CACNA2D3: variants seen among roughly 807,000 people sequenced by gnomAD.
CACNA2D3 encodes voltage-dependent calcium channel subunit alpha-2/delta-3.
A neutral mutation model predicts 160.6 loss-of-function variants in CACNA2D3; 60 were observed. That is an observed-to-expected ratio of 0.37 (90% CI 0.30 to 0.46). The LOEUF is 0.46. Ranked by LOEUF, CACNA2D3 falls within the 20% of genes least tolerant of loss-of-function variation. The pLI, the probability that CACNA2D3 is intolerant of heterozygous loss-of-function variation, is 1.00. For synonymous variants in CACNA2D3, 558 were observed against 492.9 expected (o/e 1.13, Z -1.75); for missense variants, 1,205 against 1,365.0 (o/e 0.88, Z 1.85).
intron 3 of CACNA2D3, among the ~76,000 whole-genome samples, chr3:54,349,210 G>A (rs1698509487): frequency 6.6e-6 from 1 of 152,272 alleles, no homozygotes; most frequent in Admixed American, 6.5e-5. Context: ...CAGTCACACT[G>A]TGGGGTTCAA....
intron 4 of CACNA2D3, among the ~76,000 whole-genome samples, chr3:54,494,838 G>A (rs1453251861): frequency 2.0e-5 from 3 of 152,142 alleles, no homozygotes; most frequent in Middle Eastern, 6.8e-3. Flanking sequence ...GAGAGAGGGA[G>A]AGAGAGAGAG....
chr3:54,967,417 G>A (rs1275137366), intron 27 of CACNA2D3, among the ~76,000 whole-genome samples: 1 of 152,040 alleles, frequency 6.6e-6, no homozygotes, highest in Non-Finnish European at 1.5e-5. Flanking sequence ...TTCTTTTGAT[G>A]GGTGTTCCAG....
At chr3:54,978,471 G>T (rs1390752425) in intron 29 of CACNA2D3, among the ~76,000 whole-genome samples, 1 of 152,148 alleles carries the variant, frequency 6.6e-6, no homozygotes, top group Admixed American at 6.5e-5. Context: ...GGCAAGGGCC[G>T]TTCATGACTC....
chr3:54,694,296 A>AT (rs1700621993), intron 11 of CACNA2D3, among the ~76,000 whole-genome samples: 1 of 152,218 alleles, frequency 6.6e-6, no homozygotes, highest in African/African-American at 2.4e-5. Context: ...GGGCTGTCCC[A>AT]TATAGCCTTG....
rs1428009996 is a variant in CACNA2D3 at position 54,569,847 on chromosome 3, C to A, written c.729C>A (p.Asn243Lys). Residue 243 changes from asparagine to lysine, a missense_variant, in exon 7 of 38, where the codon AAC becomes AAA. By Grantham distance (94) the Asn-to-Lys change is moderately conservative. This residue lies in a region of CACNA2D3 where 131 missense variants were observed against 201.5 expected (regional missense o/e 0.65). Transcript: ENST00000474759. ...GAGTCATTGCCTTCGACTGCAGGAA[C>A]CGAAAATGGTAGGCAGTGGTCAGAC... ...ENGVIAFDCR[N>K]RKWYIQAATS... The A allele has an allele frequency of 6.2e-7, 1 of 1,609,342 alleles. No individual in the cohort carries two copies. Among genetic ancestry groups the A allele is most frequent in the Admixed American group, 1.7e-5 (1 of 59,330 alleles).
In CACNA2D3 at chr3:54,302,803, C is replaced by T. The variant is rs370747264; in HGVS notation, c.205-17639C>T. Among the ~76,000 whole-genome samples the T allele has an allele frequency of 7.2e-5, 11 of 151,926 alleles. No individual in the cohort carries two copies. In the East Asian group the frequency reaches 1.2e-3, roughly 16 times the overall value. ...TCTTCCTCCTCCATCCGGTTGTACA[C>T]GGAGGCATCTGCTTGGGGCTTTGGT... On this transcript the variant is annotated intron_variant, in intron 2 of 37. Coordinates refer to ENST00000474759, the MANE Select transcript of CACNA2D3 (RefSeq NM_018398.3).
intron 2 of CACNA2D3, among the ~76,000 whole-genome samples, chr3:54,286,151 A>C (rs902383299): frequency 1.7e-4 from 26 of 152,210 alleles, no homozygotes; most frequent in Admixed American, 1.7e-3. Flanking sequence ...AGGAAATTCA[A>C]ACCAATGGCA....
At chr3:54,612,246 G>A (rs954278220) in intron 9 of CACNA2D3, among the ~76,000 whole-genome samples, 1 of 152,194 alleles carries the variant, frequency 6.6e-6, no homozygotes, top group East Asian at 1.9e-4. Context: ...AAATGGTCTG[G>A]TGTTTCCTGG....
chr3:54,628,383 G>A (rs1699167930), intron 10 of CACNA2D3, among the ~76,000 whole-genome samples: 1 of 152,212 alleles, frequency 6.6e-6, no homozygotes, highest in African/African-American at 2.4e-5. Context: ...CAGTGGGGAA[G>A]AGAGAATGCT....
chr3:54,391,280 G>C (rs1699275329), intron 4 of CACNA2D3, among the ~76,000 whole-genome samples: 1 of 152,096 alleles, frequency 6.6e-6, no homozygotes. Flanking sequence ...CATCTTTTCA[G>C]AGGTTTAACT....
intron 25 of CACNA2D3, among the ~76,000 whole-genome samples, chr3:54,895,560 C>T (rs762913570): frequency 6.6e-6 from 1 of 152,168 alleles, no homozygotes; most frequent in Non-Finnish European, 1.5e-5. Context: ...AGGAAACCAA[C>T]CAGTTACAAC....
rs150649111 is a variant in CACNA2D3 at position 54,368,757 on chromosome 3, A to G, written c.322-17958A>G. ...CACTCTGTCACCCAGGCTGTAGTGT[A>G]GTGGCACGATCTCGGCTCACTGCAA... On this transcript the variant is annotated intron_variant, in intron 3 of 37. Transcript: ENST00000474759. Among the ~76,000 whole-genome samples, 342 of 114,782 alleles carry G rather than the reference A, an allele frequency of 3.0e-3. 3 individuals are homozygous for G. Among genetic ancestry groups the G allele is most frequent in the African/African-American group, 0.011 (331 of 30,580 alleles). The allele number at this position is 114,782 out of a possible 152,430, so 75.3% of individuals were successfully genotyped here. A position where few individuals can be genotyped will look rare whatever the true frequency, so the allele number is the denominator to read the frequency against.
At chr3:54,471,798 TAGA>T (rs1171579069) in intron 4 of CACNA2D3, among the ~76,000 whole-genome samples, 1 of 152,076 alleles carries the variant, frequency 6.6e-6, no homozygotes, top group African/African-American at 2.4e-5. Flanking sequence ...CTAGAAAATC[TAGA>T]AGAAATGCAT....
intron 35 of CACNA2D3, among the ~76,000 whole-genome samples, chr3:55,036,447 TATTTA>T (rs999481094): frequency 6.6e-6 from 1 of 151,960 alleles, no homozygotes; most frequent in African/African-American, 2.4e-5. Flanking sequence ...TTTTTATTTT[TATTTA>T]TTTTATTTTT....
chr3:54,179,352 C>G (rs1487839865), intron 2 of CACNA2D3, among the ~76,000 whole-genome samples: 2 of 152,164 alleles, frequency 1.3e-5, no homozygotes, highest in Non-Finnish European at 2.9e-5. Context: ...TCTTCTGGCT[C>G]TCCCAGAAGA....
At chr3:54,251,984 AT>A in intron 2 of CACNA2D3, among the ~76,000 whole-genome samples, 1 of 151,738 alleles carries the variant, frequency 6.6e-6, no homozygotes, top group East Asian at 1.9e-4. Context: ...TGTTTATGTA[AT>A]TTTTTATTCA....
At chr3:54,707,055 C>G (rs1049055565) in intron 11 of CACNA2D3, among the ~76,000 whole-genome samples, 9 of 152,186 alleles carry the variant, frequency 5.9e-5, no homozygotes, top group African/African-American at 1.9e-4. Context: ...AATCCTTAAT[C>G]TAAGTAATGC....
chr3:54,147,925 G>T (rs566025623), intron 2 of CACNA2D3, among the ~76,000 whole-genome samples: 1 of 152,318 alleles, frequency 6.6e-6, no homozygotes, highest in South Asian at 2.1e-4. Context: ...TCCTGCCTCA[G>T]CCCCCCGAGG....
chr3:55,013,057 G>A (rs1703244789), intron 34 of CACNA2D3, among the ~76,000 whole-genome samples: 1 of 152,168 alleles, frequency 6.6e-6, no homozygotes, highest in Non-Finnish European at 1.5e-5. Context: ...GACTCCCACT[G>A]CCAGACTGTG....
Sources: allele counts gnomAD v4.1 joint callset (sites outside exome capture counted in the v4.1 genomes callset), GRCh38; gene constraint gnomAD v4.1.1; regional missense constraint gnomAD v4.1.1; transcripts MANE v1.5; gene names NCBI Gene and HGNC (gene_info 2026-07-23, HGNC 2026-07-21).